HADH: variants seen among roughly 807,000 people sequenced by gnomAD.
HADH encodes hydroxyacyl-CoA dehydrogenase, also known as hydroxyacyl-coenzyme A dehydrogenase, mitochondrial.
HADH carries 24 observed loss-of-function variants against 32.2 expected under a neutral mutation model. That is an observed-to-expected ratio of 0.75 (90% CI 0.54 to 1.05). The LOEUF (loss-of-function observed/expected upper bound fraction) is 1.05. Among genes scored for constraint, HADH ranks in the 50% least tolerant of loss-of-function variants. The pLI, the probability that HADH is intolerant of heterozygous loss-of-function variation, is 0.00. For synonymous variants in HADH, 139 were observed against 152.5 expected, an observed-to-expected ratio of 0.91 and a Z score of 0.65; for missense variants, 350 against 397.1, an observed-to-expected ratio of 0.88 and a Z score of 1.01.
At chr4:108,020,721 G>A (rs531601134) in intron 4 of HADH, among the ~76,000 whole-genome samples, 12 of 152,274 alleles carry the variant, frequency 7.9e-5, no homozygotes, top group African/African-American at 2.6e-4. Flanking sequence ...AGTAGCATTT[G>A]TTCTGAGGTT....
chr4:108,004,993 A>G lies in HADH; in HGVS notation c.133-4766A>G, dbSNP rs1404719563. On this transcript the variant is annotated intron_variant, in intron 1 of 7. Coordinates refer to ENST00000309522, the MANE Select transcript of HADH (RefSeq NM_005327.7). ...ATGTTAAACGAAGTGATAATACTGT[A>G]TTCAGTTTAAATGTTTATTTTATAC... 9.2e-6 allele frequency: 10 copies of G among 1,091,312 alleles called. No individual in the cohort carries two copies. In the African/African-American group the frequency reaches 1.4e-4, roughly 15 times the overall value. The allele number at this position is 1,091,312 out of a possible 1,614,324, so 67.6% of individuals were successfully genotyped here. A position where few individuals can be genotyped will look rare whatever the true frequency, so the allele number is the denominator to read the frequency against.
intron 1 of HADH, among the ~76,000 whole-genome samples, chr4:108,008,626 C>T (rs1735368529): frequency 6.6e-6 from 1 of 152,150 alleles, no homozygotes; most frequent in Admixed American, 6.5e-5. Context: ...TTTCTGTCAT[C>T]TCCTTGTTCT....
intron 1 of HADH, among the ~76,000 whole-genome samples, chr4:107,992,927 C>T (rs140285126): frequency 0.02 from 2,984 of 152,100 alleles, 59 homozygotes; most frequent in African/African-American, 0.051. Context: ...CCAGCCTGGC[C>T]AATATGGTGA....
intron 1 of HADH, among the ~76,000 whole-genome samples, chr4:107,998,123 C>T (rs1735010270): frequency 6.6e-6 from 1 of 152,146 alleles, no homozygotes; most frequent in African/African-American, 2.4e-5. Context: ...AGATGAATGA[C>T]ATTTGGTCAG....
chr4:108,018,646 G>T (rs1225470494), intron 3 of HADH, among the ~76,000 whole-genome samples: 1 of 151,682 alleles, frequency 6.6e-6, no homozygotes, highest in Non-Finnish European at 1.5e-5. Context: ...GCAGATTATA[G>T]TATTGCCTGT....
At chr4:108,000,016 A>G (rs1436155445) in intron 1 of HADH, among the ~76,000 whole-genome samples, 4 of 152,224 alleles carry the variant, frequency 2.6e-5, no homozygotes. Context: ...TGTTTGTGAA[A>G]TTTGTATTTA....
At chr4:108,010,849 CTTTTTTT>C (rs1199994737) in intron 2 of HADH, among the ~76,000 whole-genome samples, 4 of 124,802 alleles carry the variant, frequency 3.2e-5, no homozygotes, top group Non-Finnish European at 6.9e-5. Flanking sequence ...CAACTTCATT[CTTTTTTT>C]TTTTTTTTTT....
chr4:108,019,965 C>T (rs111454711), intron 4 of HADH, among the ~76,000 whole-genome samples: 7 of 152,248 alleles, frequency 4.6e-5, no homozygotes, highest in Middle Eastern at 3.4e-3. Flanking sequence ...CACTAGAAAC[C>T]GTGGGCTGGA....
chr4:107,996,691 C>T (rs528877454), intron 1 of HADH, among the ~76,000 whole-genome samples: 5 of 152,174 alleles, frequency 3.3e-5, no homozygotes, highest in Admixed American at 2.6e-4. Flanking sequence ...GTCAGGAGTT[C>T]GAGACTAGCC....
chr4:108,015,295 G>A (rs1735654494), intron 3 of HADH, among the ~76,000 whole-genome samples: 1 of 152,116 alleles, frequency 6.6e-6, no homozygotes, highest in African/African-American at 2.4e-5. Context: ...AACATCTGTT[G>A]GTTTTGACTT....
intron 1 of HADH, among the ~76,000 whole-genome samples, chr4:107,999,170 A>G (rs1026074753): frequency 2.0e-5 from 3 of 152,196 alleles, no homozygotes; most frequent in Non-Finnish European, 4.4e-5. Context: ...CCCCTCACAG[A>G]CAGGCACAGA....
At chr4:108,020,452 A>G (rs954660215) in intron 4 of HADH, among the ~76,000 whole-genome samples, 1 of 152,210 alleles carries the variant, frequency 6.6e-6, no homozygotes, top group Non-Finnish European at 1.5e-5. Flanking sequence ...CCTGGATGAC[A>G]GAGCAAGATC....
At chr4:108,004,923 A>G (rs1735244720) in intron 1 of HADH, 1 of 1,532,408 alleles carries the variant, frequency 6.5e-7, no homozygotes. Flanking sequence ...AAGAGGTAAG[A>G]TGACCCTAAA....
chr4:108,011,758 C>T (rs1560729486), intron 2 of HADH, among the ~76,000 whole-genome samples: 3 of 152,174 alleles, frequency 2.0e-5, no homozygotes, highest in East Asian at 3.8e-4. Context: ...TTTTACATTC[C>T]CACCAGCAAT....
At position 107,989,922 on chromosome 4, in the gene HADH, G is replaced by A. The variant is rs1324727796; in HGVS notation, c.-11G>A. 6.2e-7 allele frequency: 1 copy of A among 1,611,040 alleles called. No individual in the cohort carries two copies. The highest frequency in any genetic ancestry group is 8.5e-7 in the Non-Finnish European group (1 of 1,179,236). ...CCCGGGTCTCCTCGCTGTCGCCGCC[G>A]CTGCCACACCATGGCCTTCGTCACC... On this transcript the variant is annotated 5_prime_UTR_variant, in exon 1 of 8. Transcript: ENST00000309522.
At chr4:108,034,199 C>A in intron 7 of HADH, 40 bp from the exon 8 acceptor site, 2 of 1,288,750 alleles carry the variant, frequency 1.6e-6, no homozygotes, top group Non-Finnish European at 2.3e-6. Flanking sequence ...AAAAATAAAC[C>A]CAGCACTTCA....
intron 4 of HADH, 143 bp downstream of exon 4, chr4:108,019,809 T>A: frequency 1.1e-6 from 1 of 878,948 alleles, no homozygotes; most frequent in Non-Finnish European, 1.9e-6. Flanking sequence ...GCCTCATATC[T>A]AGGAGGGCTT....
Position 108,023,539 on chromosome 4 carries a change from A to G in HADH, c.612A>G (p.Leu204=). 1.9e-6 allele frequency: 3 copies of G among 1,608,234 alleles called. No homozygotes were observed. The part of the protein sequence containing the change: ...FESLVDFSKA[L]GKHPVSCKDT... ...CTTTGGTAGACTTTAGCAAAGCCCTAGGAAAGCATCCTGTTTCTTGCAAGG... is the reference window on the plus strand; with the variant it reads ...CTTTGGTAGACTTTAGCAAAGCCCTGGGAAAGCATCCTGTTTCTTGCAAGG... Residue 204 remains leucine, a synonymous_variant, in exon 5 of 8, where the codon CTA becomes CTG. Transcript: ENST00000309522.
Position 108,021,491 on chromosome 4 carries a change from TG to T in HADH, c.546+1827del, listed in dbSNP as rs373764477. On this transcript the variant is annotated intron_variant, in intron 4 of 7. Coordinates refer to ENST00000309522, the MANE Select transcript of HADH (RefSeq NM_005327.7). Reference sequence around the variant, plus strand: ...AAAATAACTTGTATAATAAGCTAAGTGGCTCCTTTACTTAGGACTGGGCTCA... The same window carrying T: ...AAAATAACTTGTATAATAAGCTAAGTGCTCCTTTACTTAGGACTGGGCTCA... 3.0e-3 allele frequency among the ~76,000 whole-genome samples: 450 copies of T among 152,340 alleles called. 5 individuals are homozygous for T. The highest frequency in any genetic ancestry group is 9.9e-3 in the African/African-American group (411 of 41,572).
Sources: allele counts gnomAD v4.1 joint callset (sites outside exome capture counted in the v4.1 genomes callset), GRCh38; gene constraint gnomAD v4.1.1; transcripts MANE v1.5; gene names NCBI Gene and HGNC (gene_info 2026-07-23, HGNC 2026-07-21).